The following ACOXL variants were observed in gnomAD, a reference collection of about 807,000 sequenced individuals.
The protein encoded by ACOXL is acyl-CoA oxidase like.
A neutral mutation model predicts 71.9 loss-of-function variants in ACOXL; 70 were observed. The ratio of observed to expected loss-of-function variants is 0.97; its 90% CI spans 0.80 to 1.19. ACOXL has a LOEUF of 1.19. ACOXL is among the 50% of genes most tolerant of loss of function. ACOXL has a pLI of 0.00. For synonymous variants in ACOXL, 253 were observed against 281.6 expected, an observed-to-expected ratio of 0.90 and a Z score of 1.02; for missense variants, 703 against 736.3, an observed-to-expected ratio of 0.95 and a Z score of 0.52.
intron 12 of ACOXL, among the ~76,000 whole-genome samples, chr2:110,986,346 C>T (rs112448702): frequency 4.6e-5 from 7 of 152,270 alleles, no homozygotes; most frequent in Admixed American, 1.3e-4. Flanking sequence ...AACAAACCAC[C>T]GCAAAACTTA....
At chr2:111,095,453 A>G (rs2068754840) in intron 17 of ACOXL, among the ~76,000 whole-genome samples, 1 of 133,148 alleles carries the variant, frequency 7.5e-6, no homozygotes, top group South Asian at 2.2e-4. Flanking sequence ...GTGCCGTGTC[A>G]TGATCTCAGC....
chr2:110,849,888 A>G (rs558214334), intron 10 of ACOXL, among the ~76,000 whole-genome samples: 2 of 152,376 alleles, frequency 1.3e-5, no homozygotes, highest in African/African-American at 4.8e-5. Context: ...AGAGCAGACT[A>G]TAGGACATGT....
At chr2:111,008,818 A>T (rs968276622) in intron 14 of ACOXL, among the ~76,000 whole-genome samples, 2 of 152,204 alleles carry the variant, frequency 1.3e-5, no homozygotes, top group African/African-American at 4.8e-5. Flanking sequence ...TAGGTGATCA[A>T]TGGTAACTTC....
At chr2:110,957,819 G>A (rs2061554711) in intron 12 of ACOXL, among the ~76,000 whole-genome samples, 1 of 152,080 alleles carries the variant, frequency 6.6e-6, no homozygotes, top group South Asian at 2.1e-4. Context: ...CACTTTGGGA[G>A]GCCGAGGCGG....
At chr2:111,094,562 T>C (rs2150027652) in intron 17 of ACOXL, among the ~76,000 whole-genome samples, 1 of 152,290 alleles carries the variant, frequency 6.6e-6, no homozygotes, top group South Asian at 2.1e-4. Flanking sequence ...GTTGAACTTA[T>C]CCTTTTATTA....
chr2:111,005,146 TG>T (rs1391971491), intron 14 of ACOXL, among the ~76,000 whole-genome samples: 1 of 152,254 alleles, frequency 6.6e-6, no homozygotes, highest in Non-Finnish European at 1.5e-5. Context: ...TCTCATCACC[TG>T]TGGCATTCTC....
At chr2:110,842,307 A>G (rs1225251842) in intron 10 of ACOXL, among the ~76,000 whole-genome samples, 2 of 152,196 alleles carry the variant, frequency 1.3e-5, no homozygotes, top group African/African-American at 4.8e-5. Context: ...CTGTGGGAAG[A>G]AAGGTTCTCA....
chr2:110,733,593 G>T (rs1429567447), intron 1 of ACOXL, among the ~76,000 whole-genome samples: 1 of 152,170 alleles, frequency 6.6e-6, no homozygotes, highest in African/African-American at 2.4e-5. Context: ...TAATTGGTTA[G>T]CCATGCCCAC....
At chr2:110,972,654 C>T (rs1181748863) in intron 12 of ACOXL, among the ~76,000 whole-genome samples, 1 of 39,980 alleles carries the variant, frequency 2.5e-5, no homozygotes, top group South Asian at 1.0e-3. Flanking sequence ...CACGTGCACA[C>T]ACACACACAC....
At chr2:110,881,057 T>A (rs902383516) in intron 10 of ACOXL, among the ~76,000 whole-genome samples, 1 of 152,148 alleles carries the variant, frequency 6.6e-6, no homozygotes. Flanking sequence ...CATTAGAAGA[T>A]TATTTTTAAG....
intron 9 of ACOXL, among the ~76,000 whole-genome samples, chr2:110,826,194 T>G (rs775599526): frequency 5.3e-5 from 8 of 152,212 alleles, no homozygotes; most frequent in Non-Finnish European, 1.2e-4. Flanking sequence ...ATAATTCCTC[T>G]TTTGCAAATA....
At chr2:110,772,457 A>G (rs1001080159) in intron 2 of ACOXL, among the ~76,000 whole-genome samples, 12 of 152,118 alleles carry the variant, frequency 7.9e-5, no homozygotes, top group African/African-American at 2.9e-4. Flanking sequence ...GTCCCTACCA[A>G]TCAGGGCTTG....
rs561124380 is a variant in ACOXL at position 110,840,044 on chromosome 2, C to T, written c.754-1327C>T. Among the ~76,000 whole-genome samples the T allele has an allele frequency of 2.2e-3, 330 of 152,214 alleles. 2 individuals are homozygous for T. Among genetic ancestry groups the T allele is most frequent in the South Asian group, 5.4e-3 (26 of 4,826 alleles). On this transcript the variant is annotated intron_variant, in intron 9 of 17. Coordinates refer to ENST00000439055, the MANE Select transcript of ACOXL (RefSeq NM_001142807.4). Reference sequence around the variant, plus strand: ...TCACTCTGTCACCCAGGCTGGAGTGCGGTGGCGCAATCTCAGCTCACTGCA... The same window carrying T: ...TCACTCTGTCACCCAGGCTGGAGTGTGGTGGCGCAATCTCAGCTCACTGCA...
At chr2:110,854,050 A>G (rs111842862) in intron 10 of ACOXL, among the ~76,000 whole-genome samples, 202 of 152,170 alleles carry the variant, frequency 1.3e-3, no homozygotes, top group African/African-American at 4.6e-3. Flanking sequence ...TGGGAGTACT[A>G]TCACAACCTA....
At chr2:110,976,011 T>C (rs2062427003) in intron 12 of ACOXL, among the ~76,000 whole-genome samples, 1 of 151,940 alleles carries the variant, frequency 6.6e-6, no homozygotes, top group African/African-American at 2.4e-5. Flanking sequence ...ATGAGAGAAA[T>C]AGAAGAAAAT....
At chr2:110,912,010 G>T (rs2059667964) in intron 11 of ACOXL, among the ~76,000 whole-genome samples, 1 of 152,026 alleles carries the variant, frequency 6.6e-6, no homozygotes, top group African/African-American at 2.4e-5. Flanking sequence ...CAGCAAGACT[G>T]CAGGATAGAT....
intron 10 of ACOXL, among the ~76,000 whole-genome samples, chr2:110,895,076 C>T (rs1339660522): frequency 6.6e-6 from 1 of 152,092 alleles, no homozygotes; most frequent in Non-Finnish European, 1.5e-5. Flanking sequence ...TAGGTGCTAA[C>T]ACCAAAATAA....
At chr2:111,053,540 C>A (rs568000624) in intron 16 of ACOXL, among the ~76,000 whole-genome samples, 2 of 152,334 alleles carry the variant, frequency 1.3e-5, no homozygotes, top group African/African-American at 4.8e-5. Flanking sequence ...TAGCAGGCCT[C>A]TTTCTCAGTG....
chr2:110,957,416 G>A (rs147356494), intron 12 of ACOXL, among the ~76,000 whole-genome samples: 49 of 152,270 alleles, frequency 3.2e-4, no homozygotes, highest in African/African-American at 8.9e-4. Context: ...CTTCCCACAC[G>A]CTGTATTTGT....
Sources: gnomAD v4.1 joint callset for allele counts (sites outside exome capture counted in the v4.1 genomes callset) on GRCh38, gnomAD v4.1.1 for gene constraint, MANE v1.5 for transcripts, NCBI Gene and HGNC (gene_info 2026-07-23, HGNC 2026-07-21) for gene names.